Variants in KYAT3 observed in about 807,000 individuals in gnomAD.
KYAT3 encodes the protein kynurenine aminotransferase 3.
KYAT3 carries 50 observed loss-of-function variants against 59.0 expected under a neutral mutation model. The observed-to-expected ratio is 0.85, with a 90% CI of 0.68 to 1.07. The LOEUF (loss-of-function observed/expected upper bound fraction) is 1.07, where lower values mean the gene tolerates loss of function less well. Ranked by LOEUF, KYAT3 falls within the 50% of genes least tolerant of loss-of-function variation. KYAT3 has a pLI of 0.00. For missense variants in KYAT3, 497 were observed against 533.3 expected, an observed-to-expected ratio of 0.93 and a Z score of 0.67; for synonymous variants, 148 against 177.0, an observed-to-expected ratio of 0.84 and a Z score of 1.30.
the KYAT3 span, among the ~76,000 whole-genome samples, chr1:88,930,320 AG>A: frequency 2.0e-5 from 3 of 152,220 alleles, no homozygotes; most frequent in Non-Finnish European, 4.4e-5. Flanking sequence ...CTTAAATATC[AG>A]GCTCTATTAC....
chr1:88,988,204 C>A, intron 2 of KYAT3, 48 bp downstream of exon 2: 1 of 1,168,750 alleles, frequency 8.6e-7, no homozygotes, highest in Non-Finnish European at 1.2e-6. Flanking sequence ...ATTTTTTGGA[C>A]AGTGCAGAAT....
At chr1:88,927,208 G>A in the KYAT3 span, among the ~76,000 whole-genome samples, 1 of 152,078 alleles carries the variant, frequency 6.6e-6, no homozygotes, top group Non-Finnish European at 1.5e-5. Context: ...TTTTTCAGAT[G>A]GGAAACATTC....
intron 13 of KYAT3, among the ~76,000 whole-genome samples, chr1:88,937,017 T>C (rs778626767): frequency 2.6e-5 from 4 of 152,128 alleles, no homozygotes; most frequent in African/African-American, 4.8e-5. Flanking sequence ...CATGAGGTGA[T>C]AGTGCTGGCT....
At chr1:88,964,286 T>C (rs1676256456) in intron 5 of KYAT3, among the ~76,000 whole-genome samples, 2 of 152,144 alleles carry the variant, frequency 1.3e-5, no homozygotes, top group South Asian at 4.1e-4. Flanking sequence ...GATCAAAAAC[T>C]TGTAGACCAA....
chr1:88,984,787 G>A (rs1301694540), intron 2 of KYAT3, among the ~76,000 whole-genome samples: 1 of 152,238 alleles, frequency 6.6e-6, no homozygotes, highest in East Asian at 1.9e-4. Context: ...TTGAAGCTAA[G>A]TGACAGGCAT....
rs899051483 is a variant in KYAT3 at position 88,955,237 on chromosome 1, A to G, written c.788-12T>C. Reference sequence around the variant, plus strand: ...ACCTGGAAAAGTAGCTAAACAGAGGAGGAAAAAAGGGTAAATATTGTTTTC... The same window carrying G: ...ACCTGGAAAAGTAGCTAAACAGAGGGGGAAAAAAGGGTAAATATTGTTTTC... On this transcript the variant is annotated splice_polypyrimidine_tract_variant and intron_variant, in intron 8 of 13. Transcript: ENST00000260508. 1 of 1,529,690 alleles carries G rather than the reference A, an allele frequency of 6.5e-7. No individual in the cohort carries two copies. The highest frequency in any genetic ancestry group is 9.0e-7 in the Non-Finnish European group (1 of 1,105,016). 94.8% of individuals were successfully genotyped at this position (1,529,690 alleles called of 1,614,324 possible). A position where few individuals can be genotyped will look rare whatever the true frequency, so the allele number is the denominator to read the frequency against.
intron 3 of KYAT3, 49 bp from the exon 4 acceptor site, chr1:88,968,863 T>C: frequency 7.1e-7 from 1 of 1,401,980 alleles, no homozygotes; most frequent in South Asian, 1.4e-5. Context: ...AATTATAAAG[T>C]TCGCTTTTTT....
chr1:88,958,326 C>CTA (rs755012496), intron 8 of KYAT3, among the ~76,000 whole-genome samples: 4 of 151,134 alleles, frequency 2.6e-5, no homozygotes, highest in African/African-American at 4.9e-5. Context: ...ATGCTATACT[C>CTA]TATAGTTTCT....
At chr1:88,978,348 C>G (rs1676897300) in intron 2 of KYAT3, among the ~76,000 whole-genome samples, 1 of 148,766 alleles carries the variant, frequency 6.7e-6, no homozygotes, top group Non-Finnish European at 1.5e-5. Flanking sequence ...GTTGTGGTGT[C>G]TTTTTTTTTT....
the KYAT3 span, among the ~76,000 whole-genome samples, chr1:88,924,234 G>A: frequency 6.6e-6 from 1 of 152,216 alleles, no homozygotes; most frequent in Non-Finnish European, 1.5e-5. Flanking sequence ...CCTTGGCTGA[G>A]GCCATGGACT....
chr1:88,946,263 A>G (rs1355483893), intron 11 of KYAT3, among the ~76,000 whole-genome samples: 1 of 152,118 alleles, frequency 6.6e-6, no homozygotes, highest in Admixed American at 6.5e-5. Context: ...AATGCTAATT[A>G]CAATACTATG....
intron 10 of KYAT3, among the ~76,000 whole-genome samples, chr1:88,951,284 G>T (rs1675662281): frequency 6.6e-6 from 1 of 151,018 alleles, no homozygotes; most frequent in Non-Finnish European, 1.5e-5. Flanking sequence ...GCCCAGGCTG[G>T]AGTGTAGTGA....
intron 6 of KYAT3, 51 bp downstream of exon 6, chr1:88,962,008 G>T: frequency 7.8e-7 from 1 of 1,289,506 alleles, no homozygotes; most frequent in South Asian, 1.2e-5. Context: ...GTATTTTCAA[G>T]ACTTCTTAAG....
At chr1:88,924,224 C>A in the KYAT3 span, among the ~76,000 whole-genome samples, 2 of 152,232 alleles carry the variant, frequency 1.3e-5, no homozygotes, top group Admixed American at 1.3e-4. Flanking sequence ...CTCCCACTCC[C>A]CTTGGCTGAG....
intron 1 of KYAT3, among the ~76,000 whole-genome samples, chr1:88,990,430 T>C (rs955264146): frequency 1.3e-5 from 2 of 152,242 alleles, no homozygotes; most frequent in African/African-American, 4.8e-5. Context: ...CAACTCTTGC[T>C]AAAGTCAGTT....
chr1:88,987,690 T>G (rs374153842), intron 2 of KYAT3, among the ~76,000 whole-genome samples: 3 of 152,234 alleles, frequency 2.0e-5, no homozygotes, highest in Admixed American at 6.5e-5. Flanking sequence ...TCTTAGACCT[T>G]AGGTCATTAC....
chr1:88,991,292 A>T (rs1395248400), intron 1 of KYAT3, among the ~76,000 whole-genome samples: 1 of 152,218 alleles, frequency 6.6e-6, no homozygotes, highest in African/African-American at 2.4e-5. Context: ...AATCCAAATG[A>T]TCAATTTATA....
chr1:88,964,806 T>TAA (rs1244591490), intron 5 of KYAT3, 23 bp downstream of exon 5: 1 of 1,536,804 alleles, frequency 6.5e-7, no homozygotes, highest in Non-Finnish European at 8.9e-7. Flanking sequence ...ATATGGGTAT[T>TAA]ACGATAATGT....
At position 88,952,751 on chromosome 1, in the gene KYAT3, T is replaced by G. The variant is rs184139172; in HGVS notation, c.954+312A>C. Among the ~76,000 whole-genome samples the G allele has an allele frequency of 1.7e-3, 253 of 152,342 alleles. 1 individual carries two copies. Among genetic ancestry groups the G allele is most frequent in the Admixed American group, 4.2e-3 (64 of 15,306 alleles). On this transcript the variant is annotated intron_variant, in intron 10 of 13. Coordinates refer to ENST00000260508, the MANE Select transcript of KYAT3 (RefSeq NM_001008661.3). Reference sequence around the variant, plus strand: ...AAAACACAACTTTAGGGTAAATTCTTAGAAGATGGATTGCTTTCATGGGGC... The same window carrying G: ...AAAACACAACTTTAGGGTAAATTCTGAGAAGATGGATTGCTTTCATGGGGC...
Sources: gnomAD v4.1 joint callset for allele counts (sites outside exome capture counted in the v4.1 genomes callset) on GRCh38, gnomAD v4.1.1 for gene constraint, MANE v1.5 for transcripts, NCBI Gene and HGNC (gene_info 2026-07-23, HGNC 2026-07-21) for gene names.